SNAP47: variants seen among roughly 807,000 people sequenced by gnomAD.
SNAP47 encodes synaptosomal-associated protein 47.
In SNAP47, 20 loss-of-function variants were observed where a neutral mutation model predicts 31.4. The ratio of observed to expected loss-of-function variants is 0.64; its 90% CI spans 0.45 to 0.93. SNAP47 has a LOEUF of 0.93. Among genes scored for constraint, SNAP47 ranks in the 40% least tolerant of loss-of-function variants. The probability of loss-of-function intolerance (pLI) is 0.00; values close to 1 mark genes in which losing one functional copy is unlikely to be tolerated. For missense variants in SNAP47, 492 were observed against 528.5 expected (o/e 0.93, Z 0.68); for synonymous variants, 194 against 213.4 (o/e 0.91, Z 0.79).
intron 4 of SNAP47, 120 bp from the exon 5 acceptor site, chr1:227,780,407 C>A: frequency 1.4e-6 from 2 of 1,424,862 alleles, no homozygotes. Flanking sequence ...TGCTGGCTCG[C>A]AGATGGCATC....
chr1:227,743,754 C>G (rs1661773139), intron 1 of SNAP47: 1 of 152,234 alleles, frequency 6.6e-6, no homozygotes, highest in Non-Finnish European at 1.5e-5. Context: ...GAGCTGCTTT[C>G]TTGGAGTTGG....
chr1:227,736,215 G>A (rs1661144789), intron 1 of SNAP47: 1 of 152,530 alleles, frequency 6.6e-6, no homozygotes, highest in South Asian at 2.0e-4. Flanking sequence ...TGGAGGGCAT[G>A]GCAAGGGGCC....
intron 1 of SNAP47, among the ~76,000 whole-genome samples, chr1:227,742,455 T>G (rs1661671245): frequency 6.6e-6 from 1 of 152,216 alleles, no homozygotes; most frequent in African/African-American, 2.4e-5. Flanking sequence ...TTTAGTTATT[T>G]TGACGGTGGG....
chr1:227,776,697 C>T, intron 4 of SNAP47: 3 of 985,478 alleles, frequency 3.0e-6, no homozygotes, highest in Non-Finnish European at 3.6e-6. Context: ...GAATCTGGAC[C>T]TGCACTCCAG....
chr1:227,747,824 A>ACAT lies in SNAP47; in HGVS notation c.90_92dup (p.Ser31dup). 6.2e-7 allele frequency: 1 copy of ACAT among 1,614,130 alleles called. No individual in the cohort carries two copies. Among genetic ancestry groups the ACAT allele is most frequent in the Non-Finnish European group, 8.5e-7 (1 of 1,180,014 alleles). On this transcript the variant is annotated inframe_insertion, in exon 2 of 5. Transcript: ENST00000617596. ...ATGGGTTACTGGACAGCTGTCCTTA[A>ACAT]CATCGCTGTCGCTCAGGTTCATGAC...
At position 227,748,070 on chromosome 1, in the gene SNAP47, G is replaced by A. The variant is rs140772937; in HGVS notation, c.334G>A (p.Ala112Thr). 1.9e-5 allele frequency: 30 copies of A among 1,614,158 alleles called. No homozygotes were observed. In the East Asian group the frequency reaches 2.9e-4, roughly 16 times the overall value. Residue 112 changes from alanine (A) to threonine (T), a missense_variant, in exon 2 of 5, where the codon GCA (alanine) becomes ACA (threonine). Coordinates refer to ENST00000617596, the MANE Select transcript of SNAP47 (RefSeq NM_053052.4). ...LLSQPGAVAD[A>T]SVPRTRGEEL... ...GTCTCAGCCTGGAGCCGTGGCAGAC[G>A]CATCTGTCCCAAGGACCCGGGGCGA...
At chr1:227,775,232 A>G (rs1462687167) in intron 4 of SNAP47, among the ~76,000 whole-genome samples, 1 of 152,218 alleles carries the variant, frequency 6.6e-6, no homozygotes, top group Non-Finnish European at 1.5e-5. Flanking sequence ...GGCTGCGGTG[A>G]GAGCCAATTT....
At chr1:227,743,986 C>T (rs942029805) in intron 1 of SNAP47, 4 of 152,240 alleles carry the variant, frequency 2.6e-5, no homozygotes, top group African/African-American at 7.2e-5. Context: ...CCCAGGACCT[C>T]CTGCAGACGC....
In SNAP47 at chr1:227,748,141, C is replaced by T; in HGVS notation, c.405C>T (p.Asp135=). The change falls in exon 2 of 5, where the codon GAC becomes GAT. Residue 135 remains aspartate, a synonymous_variant. Transcript: ENST00000617596. ...LMAGSQKRLE[D]TARVLHHQGQ... is the part of the protein sequence containing the mutation. ...CTGGATCCCAGAAACGCCTGGAGGA[C>T]ACGGCGAGGGTCCTGCACCACCAGG... The T allele has an allele frequency of 6.2e-7, 1 of 1,613,926 alleles. No individual in the cohort carries two copies. The highest frequency in any genetic ancestry group is 8.5e-7 in the Non-Finnish European group (1 of 1,180,020).
upstream of SNAP47, chr1:227,732,656 C>G: frequency 6.2e-7 from 1 of 1,612,880 alleles, no homozygotes; most frequent in Non-Finnish European, 8.5e-7. Context: ...AGTTGATGCC[C>G]GAGCAGGACC....
chr1:227,742,032 A>G (rs533260340), intron 1 of SNAP47, among the ~76,000 whole-genome samples: 6 of 145,340 alleles, frequency 4.1e-5, no homozygotes, highest in African/African-American at 1.5e-4. Flanking sequence ...TTTTTATTTT[A>G]TTTTATTATT....
At chr1:227,739,729 G>A (rs1234631126) in intron 1 of SNAP47, among the ~76,000 whole-genome samples, 3 of 152,232 alleles carry the variant, frequency 2.0e-5, no homozygotes, top group Non-Finnish European at 2.9e-5. Context: ...CCTGCGTGCT[G>A]AGCCATCCCT....
rs570802028 is a variant in SNAP47, at chr1:227,779,540, G to T, written c.1114-987G>T. On this transcript the variant is annotated intron_variant, in intron 4 of 4. Transcript: ENST00000617596. ...AACTGGTGGGTACACAGCACTGAGG[G>T]TTCCTTCTCCTGACCTAAGCAGTGA... Among the ~76,000 whole-genome samples the T allele has an allele frequency of 8.5e-5, 13 of 152,314 alleles. No individual in the cohort carries two copies. In the South Asian group the frequency reaches 1.7e-3, roughly 19 times the overall value.
chr1:227,775,085 G>GC (rs543415717), intron 4 of SNAP47, among the ~76,000 whole-genome samples: 52 of 152,276 alleles, frequency 3.4e-4, no homozygotes, highest in Non-Finnish European at 2.6e-4. Flanking sequence ...CCCTGCATCT[G>GC]CCCCCCCGGC....
chr1:227,775,578 C>T (rs958984387), intron 4 of SNAP47, among the ~76,000 whole-genome samples: 5 of 152,228 alleles, frequency 3.3e-5, no homozygotes, highest in Non-Finnish European at 5.9e-5. Flanking sequence ...ACTGTCTTCC[C>T]GGGCTGCTGG....
upstream of SNAP47, chr1:227,734,064 G>C (rs555140111): frequency 5.6e-6 from 9 of 1,602,252 alleles, no homozygotes; most frequent in South Asian, 1.1e-5. Flanking sequence ...ACCACCGACA[G>C]CACGTGAGGC....
intron 4 of SNAP47, 25 bp from the exon 5 acceptor site, chr1:227,780,502 G>T (rs368061052): frequency 5.5e-5 from 89 of 1,613,128 alleles, no homozygotes; most frequent in Non-Finnish European, 7.5e-5. Flanking sequence ...GGCAGCCTCT[G>T]CTGTGATCTT....
At chr1:227,767,150 G>C in intron 4 of SNAP47, 67 bp downstream of exon 4, 1 of 1,587,446 alleles carries the variant, frequency 6.3e-7, no homozygotes, top group Non-Finnish European at 8.6e-7. Context: ...TGCTCCTCTT[G>C]CCTTTCTGAT....
intron 1 of SNAP47, among the ~76,000 whole-genome samples, chr1:227,738,419 TTCTC>T (rs1031558962): frequency 1.2e-4 from 19 of 152,254 alleles, no homozygotes; most frequent in African/African-American, 3.1e-4. Context: ...CATTCATTCA[TTCTC>T]TCTCTCCACT....
Sources: allele counts gnomAD v4.1 joint callset (sites outside exome capture counted in the v4.1 genomes callset), GRCh38; gene constraint gnomAD v4.1.1; transcripts MANE v1.5; gene names NCBI Gene and HGNC (gene_info 2026-07-23, HGNC 2026-07-21).